Variants in FBXL17 observed in about 807,000 individuals in gnomAD.
FBXL17 encodes the protein F-box/LRR-repeat protein 17.
In FBXL17, 22 loss-of-function variants were observed where a neutral mutation model predicts 66.2. That is an observed-to-expected ratio of 0.33 (90% CI 0.24 to 0.47). The LOEUF (loss-of-function observed/expected upper bound fraction) is 0.47. Ranked by LOEUF, FBXL17 falls within the 20% of genes least tolerant of loss-of-function variation. The pLI is 1.00. For synonymous variants in FBXL17, 474 were observed against 400.5 expected, an observed-to-expected ratio of 1.18 and a Z score of -2.19; for missense variants, 878 against 948.2, an observed-to-expected ratio of 0.93 and a Z score of 0.97.
chr5:108,262,901 GTTAAA>G (rs1377790735), intron 4 of FBXL17, among the ~76,000 whole-genome samples: 1 of 152,196 alleles, frequency 6.6e-6, no homozygotes, highest in Non-Finnish European at 1.5e-5. Flanking sequence ...TTTTAAAAGT[GTTAAA>G]TTATACAGTG....
At chr5:107,897,114 A>G (rs1049294685) in intron 7 of FBXL17, among the ~76,000 whole-genome samples, 27 of 152,174 alleles carry the variant, frequency 1.8e-4, no homozygotes, top group African/African-American at 6.5e-4. Flanking sequence ...TAATAGGAGA[A>G]GCAGCTTCTG....
chr5:108,054,245 T>C (rs200557372), intron 6 of FBXL17, among the ~76,000 whole-genome samples: 1 of 116,558 alleles, frequency 8.6e-6, no homozygotes, highest in African/African-American at 2.6e-5. Context: ...AAAATAAAAA[T>C]TAAAAAAAAA....
chr5:107,993,594 C>G (rs575543682), intron 7 of FBXL17, among the ~76,000 whole-genome samples: 15 of 152,200 alleles, frequency 9.9e-5, no homozygotes, highest in African/African-American at 3.6e-4. Flanking sequence ...AAAGCCAAGA[C>G]CTGCACAAAT....
chr5:108,189,526 A>C (rs1753380538), intron 5 of FBXL17, among the ~76,000 whole-genome samples: 1 of 152,152 alleles, frequency 6.6e-6, no homozygotes, highest in Non-Finnish European at 1.5e-5. Flanking sequence ...GAAAATAAAC[A>C]GGTATGGTAG....
intron 5 of FBXL17, among the ~76,000 whole-genome samples, chr5:108,194,076 G>A (rs1753578734): frequency 6.6e-6 from 1 of 151,984 alleles, no homozygotes; most frequent in South Asian, 2.1e-4. Flanking sequence ...AGCCTTTAGG[G>A]AACAAAAATA....
chr5:108,184,001 G>A (rs1173065022), intron 6 of FBXL17, among the ~76,000 whole-genome samples: 2 of 152,188 alleles, frequency 1.3e-5, no homozygotes, highest in Non-Finnish European at 2.9e-5. Context: ...AAGAAAGAGT[G>A]AAGTCAAGGC....
chr5:108,146,700 T>C (rs1463483427), intron 6 of FBXL17, among the ~76,000 whole-genome samples: 1 of 152,114 alleles, frequency 6.6e-6, no homozygotes, highest in Non-Finnish European at 1.5e-5. Context: ...TCAAAAACTA[T>C]CTAAACTATC....
intron 7 of FBXL17, among the ~76,000 whole-genome samples, chr5:107,937,625 C>T (rs1750955950): frequency 6.6e-6 from 1 of 152,162 alleles, no homozygotes; most frequent in Non-Finnish European, 1.5e-5. Flanking sequence ...TACAATAATA[C>T]TGTAAGCTCC....
At chr5:108,085,788 T>A (rs1311423524) in intron 6 of FBXL17, among the ~76,000 whole-genome samples, 1 of 151,990 alleles carries the variant, frequency 6.6e-6, no homozygotes, top group African/African-American at 2.4e-5. Flanking sequence ...TACAAAAAAA[T>A]TAGCTGGATG....
At chr5:107,930,653 T>C (rs1264245447) in intron 7 of FBXL17, among the ~76,000 whole-genome samples, 1 of 152,248 alleles carries the variant, frequency 6.6e-6, no homozygotes, top group African/African-American at 2.4e-5. Flanking sequence ...TAAGCATTTA[T>C]TAAATGGAAG....
intron 4 of FBXL17, among the ~76,000 whole-genome samples, chr5:108,251,065 T>C (rs533718290): frequency 1.2e-3 from 181 of 152,218 alleles, no homozygotes; most frequent in African/African-American, 4.2e-3. Context: ...CTTGTAGATA[T>C]ATTTTGAAAA....
At chr5:108,080,642 A>G (rs1358353804) in intron 6 of FBXL17, among the ~76,000 whole-genome samples, 1 of 152,204 alleles carries the variant, frequency 6.6e-6, no homozygotes, top group Non-Finnish European at 1.5e-5. Context: ...ATCAATCAAT[A>G]TATGTAAGGT....
rs1165543412 is a variant in FBXL17, at chr5:108,009,304, T to TAGATAG, written c.1822+11620_1822+11621insCTATCT. Among the ~76,000 whole-genome samples the TAGATAG allele has an allele frequency of 6.0e-3, 118 of 19,560 alleles. 9 individuals are homozygous for TAGATAG. Among genetic ancestry groups the TAGATAG allele is most frequent in the African/African-American group, 0.019 (110 of 5,702 alleles). The allele number at this position is 19,560 out of a possible 152,430, so 12.8% of individuals were successfully genotyped here. On this transcript the variant is annotated intron_variant, in intron 7 of 8. Transcript: ENST00000542267. ...ATATATATATATATATATATATACA[T>TAGATAG]ATATACATACACATATAGTTTTGCT...
At chr5:108,057,696 G>C (rs531558102) in intron 6 of FBXL17, among the ~76,000 whole-genome samples, 1 of 152,196 alleles carries the variant, frequency 6.6e-6, no homozygotes, top group South Asian at 2.1e-4. Context: ...AAAACAAGAG[G>C]CTCTGTACTT....
rs192396621 is a variant in FBXL17 at position 108,060,511 on chromosome 5, T to C, written c.1746-39510A>G. 1.6e-3 allele frequency among the ~76,000 whole-genome samples: 251 copies of C among 152,276 alleles called. 1 individual carries two copies. Among genetic ancestry groups the C allele is most frequent in the African/African-American group, 5.7e-3 (235 of 41,566 alleles). Reference sequence around the variant, plus strand: ...TGTCACATGCCAGTGAGTTCAGTAATCTCTTATCAAGTAGTACTCTATGTA... The same window carrying C: ...TGTCACATGCCAGTGAGTTCAGTAACCTCTTATCAAGTAGTACTCTATGTA... On this transcript the variant is annotated intron_variant, in intron 6 of 8. Coordinates refer to ENST00000542267, the MANE Select transcript of FBXL17 (RefSeq NM_001163315.3).
chr5:108,078,967 C>T (rs1748656591), intron 6 of FBXL17, among the ~76,000 whole-genome samples: 2 of 152,106 alleles, frequency 1.3e-5, no homozygotes. Context: ...AGTGCAGTGG[C>T]ACAATCAGCT....
intron 6 of FBXL17, among the ~76,000 whole-genome samples, chr5:108,060,493 T>A (rs933173722): frequency 1.3e-5 from 2 of 152,166 alleles, no homozygotes. Flanking sequence ...AAGTGTCACA[T>A]GCCAGTGAGT....
intron 6 of FBXL17, among the ~76,000 whole-genome samples, chr5:108,036,512 C>G (rs1182145114): frequency 2.0e-5 from 3 of 152,172 alleles, no homozygotes; most frequent in Non-Finnish European, 4.4e-5. Context: ...TTTGCAACCC[C>G]TACGAATACC....
intron 4 of FBXL17, among the ~76,000 whole-genome samples, chr5:108,289,680 A>C (rs1381538272): frequency 6.6e-6 from 1 of 152,142 alleles, no homozygotes; most frequent in East Asian, 1.9e-4. Context: ...CTTTGAAGTT[A>C]GGCAGTCTGG....
Sources: allele counts gnomAD v4.1 joint callset (sites outside exome capture counted in the v4.1 genomes callset), GRCh38; gene constraint gnomAD v4.1.1; transcripts MANE v1.5; gene names NCBI Gene and HGNC (gene_info 2026-07-23, HGNC 2026-07-21).